Variants in FBXL14 observed in about 807,000 individuals in gnomAD.
FBXL14 encodes F-box and leucine rich repeat protein 14, also known as F-box/LRR-repeat protein 14.
A neutral mutation model predicts 24.5 loss-of-function variants in FBXL14; 11 were observed. That is an observed-to-expected ratio of 0.45 (90% CI 0.28 to 0.74). The LOEUF is 0.74. Among genes scored for constraint, FBXL14 ranks in the 30% least tolerant of loss-of-function variants. The pLI, the probability that FBXL14 is intolerant of heterozygous loss-of-function variation, is 0.12. For synonymous variants in FBXL14, 294 were observed against 240.4 expected (o/e 1.22, Z -2.06); for missense variants, 384 against 545.6 (o/e 0.70, Z 2.95).
chr12:1,578,859 G>A (rs529612743), intron 1 of FBXL14, among the ~76,000 whole-genome samples: 36 of 152,186 alleles, frequency 2.4e-4, no homozygotes, highest in African/African-American at 8.2e-4. Context: ...GTCAGACCAC[G>A]GTGGGCTTTG....
At position 1,593,426 on chromosome 12, in the gene FBXL14, T is replaced by C. The variant is rs532761796; in HGVS notation, c.641A>G (p.Lys214Arg). Residue 214 changes from lysine to arginine, a missense_variant, in exon 1 of 2, where the codon AAG becomes AGG. Transcript: ENST00000339235. The surrounding 1 kb of genome is among the most constrained non-coding windows in gnomAD (Gnocchi z 7.4). ...GTGCTTTAGAGAAAGATCTGTGAGCTTCTGGCAGTCCTGTAGCGTGAGCTG... is the reference window on the plus strand; with the variant it reads ...GTGCTTTAGAGAAAGATCTGTGAGCCTCTGGCAGTCCTGTAGCGTGAGCTG... ...LEQLTLQDCQ[K>R]LTDLSLKHIS... 8 of 1,614,052 alleles carry C rather than the reference T, an allele frequency of 5.0e-6. No individual in the cohort carries two copies. Among genetic ancestry groups the C allele is most frequent in the Non-Finnish European group, 6.8e-6 (8 of 1,180,002 alleles).
intron 1 of FBXL14, among the ~76,000 whole-genome samples, chr12:1,575,063 T>C (rs2094453297): frequency 6.6e-6 from 1 of 152,188 alleles, no homozygotes; most frequent in Non-Finnish European, 1.5e-5. Context: ...TCTGCTTGTC[T>C]TTTATTTGCC....
chr12:1,590,177 T>G (rs1400263792), intron 1 of FBXL14, among the ~76,000 whole-genome samples: 1 of 147,856 alleles, frequency 6.8e-6, no homozygotes, highest in Admixed American at 6.7e-5. Flanking sequence ...CACTGTAACC[T>G]AAGTGGGAAG....
chr12:1,582,947 T>C lies in FBXL14; in HGVS notation c.1194+9926A>G, dbSNP rs115952764. Reference sequence around the variant, plus strand: ...TCTGGCTACATTGGCTCAGAAGTTATTTTTGTAAGTTCTGCTACCTTGTCC... The same window carrying C: ...TCTGGCTACATTGGCTCAGAAGTTACTTTTGTAAGTTCTGCTACCTTGTCC... On this transcript the variant is annotated intron_variant, in intron 1 of 1. Transcript: ENST00000339235. Among the ~76,000 whole-genome samples the C allele has an allele frequency of 8.4e-3, 1,273 of 152,276 alleles. 22 individuals are homozygous for C. Among genetic ancestry groups the C allele is most frequent in the African/African-American group, 0.029 (1,222 of 41,550 alleles).
intron 1 of FBXL14, among the ~76,000 whole-genome samples, chr12:1,591,436 G>T (rs1458976830): frequency 6.9e-6 from 1 of 145,648 alleles, no homozygotes; most frequent in Non-Finnish European, 1.5e-5. Context: ...GAATATAAAC[G>T]TTTTAAGAGG....
intron 1 of FBXL14, among the ~76,000 whole-genome samples, chr12:1,577,533 C>A (rs1239105059): frequency 6.6e-6 from 1 of 152,220 alleles, no homozygotes; most frequent in Non-Finnish European, 1.5e-5. Context: ...GACTGCCAGT[C>A]AAATACAGTG....
chr12:1,593,151 C>G lies in FBXL14; in HGVS notation c.916G>C (p.Gly306Arg). The G allele has an allele frequency of 1.2e-6, 2 of 1,613,768 alleles. No individual in the cohort carries two copies. The highest frequency in any genetic ancestry group is 1.7e-6 in the Non-Finnish European group (2 of 1,180,042). Residue 306 changes from glycine to arginine, a missense_variant, in exon 1 of 2, where the codon GGC (glycine) becomes CGC (arginine). By Grantham distance (125) the Gly-to-Arg change is moderately radical (BLOSUM62 -2). Transcript: ENST00000339235. This position sits in a 1 kb window ranked among gnomAD's most constrained non-coding sequence, Gnocchi z 7.4. ...SLAYIAQGLD[G>R]LKSLSLCSCH... The stretch of plus-strand genomic sequence containing the variant: ...GAGCAGAGGGAGAGAGACTTGAGGC[C>G]ATCCAGCCCCTGGGCTATGTAAGCC...
intron 1 of FBXL14, among the ~76,000 whole-genome samples, chr12:1,585,655 C>T (rs1281053927): frequency 6.6e-6 from 1 of 152,186 alleles, no homozygotes; most frequent in Non-Finnish European, 1.5e-5. Flanking sequence ...TGACACCCCA[C>T]TGTGTGGTAG....
chr12:1,578,512 G>T (rs887142535), intron 1 of FBXL14, among the ~76,000 whole-genome samples: 6 of 152,148 alleles, frequency 3.9e-5, no homozygotes, highest in Admixed American at 1.3e-4. Context: ...ATGATGACAG[G>T]CGCCTGTAAT....
chr12:1,578,158 A>G (rs1025617392), intron 1 of FBXL14, among the ~76,000 whole-genome samples: 1 of 152,158 alleles, frequency 6.6e-6, no homozygotes, highest in African/African-American at 2.4e-5. Flanking sequence ...CTGAATTCTA[A>G]TTATGTTCAT....
intron 1 of FBXL14, among the ~76,000 whole-genome samples, chr12:1,580,965 T>A (rs916020568): frequency 6.6e-6 from 1 of 152,036 alleles, no homozygotes; most frequent in Non-Finnish European, 1.5e-5. Context: ...GGAGGCTTTA[T>A]CTCTGAAGTA....
At chr12:1,580,410 A>G (rs1196972122) in intron 1 of FBXL14, among the ~76,000 whole-genome samples, 1 of 152,232 alleles carries the variant, frequency 6.6e-6, no homozygotes. Context: ...TTTTGAAGCA[A>G]TAGTGTTCAC....
chr12:1,592,996 T>C lies in FBXL14; in HGVS notation c.1071A>G (p.Gln357=), dbSNP rs781718683. Residue 357 remains glutamine (Q), a synonymous_variant, in exon 1 of 2, where the codon CAA becomes CAG. Coordinates refer to ENST00000339235, the MANE Select transcript of FBXL14 (RefSeq NM_152441.3). ...AGCCGTACAGGTCTATGCCGGTGAG[T>C]TGGCTCAGGTGCTCAGCGATCAGCT... The part of the protein sequence containing the change: ...GLELIAEHLS[Q]LTGIDLYGCT... 21 of 1,612,738 alleles carry C rather than the reference T, an allele frequency of 1.3e-5. No individual in the cohort carries two copies. The highest frequency in any genetic ancestry group is 9.9e-5 in the South Asian group (9 of 91,080).
At chr12:1,589,235 C>A (rs140219404) in intron 1 of FBXL14, among the ~76,000 whole-genome samples, 177 of 125,934 alleles carry the variant, frequency 1.4e-3, no homozygotes, top group Non-Finnish European at 1.7e-3. Context: ...AAAAAAAATA[C>A]AAAAAAAAAA....
intron 1 of FBXL14, among the ~76,000 whole-genome samples, chr12:1,581,969 T>C (rs1233495616): frequency 6.6e-6 from 1 of 151,928 alleles, no homozygotes; most frequent in Non-Finnish European, 1.5e-5. Flanking sequence ...TACTAAAAAA[T>C]ACAAAAATTA....
upstream of FBXL14, among the ~76,000 whole-genome samples, chr12:1,594,808 G>T (rs978916966): frequency 6.6e-6 from 1 of 151,216 alleles, no homozygotes; most frequent in South Asian, 2.1e-4. Flanking sequence ...GCCGGCCCCG[G>T]CTCCGCCGCC....
At chr12:1,568,894 T>A (rs543756142) in intron 1 of FBXL14, among the ~76,000 whole-genome samples, 1 of 152,180 alleles carries the variant, frequency 6.6e-6, no homozygotes, top group East Asian at 1.9e-4. Flanking sequence ...GGTCAAAAAA[T>A]AAGACCCAGC....
In FBXL14 at chr12:1,569,086, A is replaced by G. The variant is rs1293031438; in HGVS notation, c.1195-2276T>C. ...TTCATAGGATTGAGATATAAAGAAT[A>G]TATTGAAGCTTTTACAGAACAAAAA... On this transcript the variant is annotated intron_variant, in intron 1 of 1. Coordinates refer to ENST00000339235, the MANE Select transcript of FBXL14 (RefSeq NM_152441.3). This position sits in a 1 kb window ranked among gnomAD's most constrained non-coding sequence, Gnocchi z 4.2. 2.0e-5 allele frequency among the ~76,000 whole-genome samples: 3 copies of G among 152,210 alleles called. No homozygotes were observed. Among genetic ancestry groups the G allele is most frequent in the Non-Finnish European group, 4.4e-5 (3 of 68,026 alleles).
rs542229686 is a variant in FBXL14 at position 1,594,476 on chromosome 12, C to T, written c.-410G>A. On this transcript the variant is annotated 5_prime_UTR_variant, in exon 1 of 2. Transcript: ENST00000339235. Reference sequence around the variant, plus strand: ...CGCATCCTCCGCCTCCTGCCGCCGCCGCTGCTCCGCGGGCCGGCGGGCGGC... The same window carrying T: ...CGCATCCTCCGCCTCCTGCCGCCGCTGCTGCTCCGCGGGCCGGCGGGCGGC... Among the ~76,000 whole-genome samples the T allele has an allele frequency of 3.5e-4, 51 of 146,818 alleles. No homozygotes were observed. In the East Asian group the frequency reaches 7.9e-3, roughly 23 times the overall value.
Sources: allele counts gnomAD v4.1 joint callset (sites outside exome capture counted in the v4.1 genomes callset), GRCh38; gene constraint gnomAD v4.1.1; non-coding constraint Gnocchi (gnomAD v3.1); transcripts MANE v1.5; gene names NCBI Gene and HGNC (gene_info 2026-07-23, HGNC 2026-07-21).